Variants in EEIG2 observed in about 807,000 individuals in gnomAD.
EEIG2 encodes family with sequence similarity 102 member B.
chr1:108,617,869 A>C, the EEIG2 span, among the ~76,000 whole-genome samples: 1 of 152,202 alleles, frequency 6.6e-6, no homozygotes, highest in South Asian at 2.1e-4. Flanking sequence ...TCAGAAAATG[A>C]GGACTGAGGA....
the EEIG2 span, chr1:108,560,212 C>A: frequency 2.0e-5 from 3 of 152,720 alleles, no homozygotes; most frequent in South Asian, 5.5e-4. Flanking sequence ...CGCGGGCGGT[C>A]GGGGTCCGCG....
chr1:108,560,628 C>A, the EEIG2 span: 1 of 1,567,394 alleles, frequency 6.4e-7, no homozygotes, highest in South Asian at 1.1e-5. Context: ...GGATGGGCAG[C>A]ATCTCTCCTT....
At chr1:108,574,529 T>A in the EEIG2 span, among the ~76,000 whole-genome samples, 2 of 152,170 alleles carry the variant, frequency 1.3e-5, no homozygotes, top group African/African-American at 2.4e-5. Flanking sequence ...GGCAGGCAGA[T>A]CGCCTGAGAT....
chr1:108,583,716 A>G, the EEIG2 span, among the ~76,000 whole-genome samples: 5 of 152,256 alleles, frequency 3.3e-5, no homozygotes, highest in Admixed American at 2.0e-4. Flanking sequence ...GAAAACAGAC[A>G]TAAACTGTTA....
the EEIG2 span, among the ~76,000 whole-genome samples, chr1:108,621,320 G>T: frequency 6.6e-6 from 1 of 152,184 alleles, no homozygotes; most frequent in African/African-American, 2.4e-5. Flanking sequence ...AGACTGAGTT[G>T]TCCAGGGAGG....
the EEIG2 span, among the ~76,000 whole-genome samples, chr1:108,634,190 T>C: frequency 1.3e-5 from 2 of 152,208 alleles, no homozygotes; most frequent in Non-Finnish European, 2.9e-5. Flanking sequence ...CAGTGTGCCA[T>C]GCTGCCCACC....
the EEIG2 span, among the ~76,000 whole-genome samples, chr1:108,615,770 A>T: frequency 6.7e-6 from 1 of 150,272 alleles, no homozygotes; most frequent in Admixed American, 6.7e-5. Context: ...ACAAAGCAAG[A>T]CCTTATCTCA....
the EEIG2 span, among the ~76,000 whole-genome samples, chr1:108,614,978 G>A: frequency 6.6e-6 from 1 of 152,206 alleles, no homozygotes; most frequent in Non-Finnish European, 1.5e-5. Flanking sequence ...TGAAAGAAGA[G>A]ATGATGAGGA....
At chr1:108,564,123 C>G in the EEIG2 span, among the ~76,000 whole-genome samples, 1 of 152,182 alleles carries the variant, frequency 6.6e-6, no homozygotes, top group African/African-American at 2.4e-5. Flanking sequence ...TTTCTACTCT[C>G]TTTCTATAAA....
the EEIG2 span, among the ~76,000 whole-genome samples, chr1:108,579,796 A>AGAGAGAGAGAGAGAGAGAGAGAGAGAG: frequency 8.7e-5 from 13 of 149,004 alleles, no homozygotes; most frequent in South Asian, 2.2e-4. Context: ...AGAGAGAGAG[A>AGAGAGAGAGAGAGAGAGAGAGAGAGAG]AAGAAACCCA....
chr1:108,614,116 A>G, the EEIG2 span, among the ~76,000 whole-genome samples: 1 of 146,720 alleles, frequency 6.8e-6, no homozygotes, highest in Non-Finnish European at 1.5e-5. Context: ...ACTTGCTTCT[A>G]CTTCCCTGTC....
At chr1:108,563,905 T>C in the EEIG2 span, among the ~76,000 whole-genome samples, 1 of 152,226 alleles carries the variant, frequency 6.6e-6, no homozygotes, top group South Asian at 2.1e-4. Flanking sequence ...AATTTACAAC[T>C]GTAATGGTTA....
chr1:108,633,554 G>T, the EEIG2 span, among the ~76,000 whole-genome samples: 5 of 152,184 alleles, frequency 3.3e-5, no homozygotes, highest in Non-Finnish European at 5.9e-5. Context: ...GCACCTGCCT[G>T]CTTTCCTTTA....
chr1:108,589,783 C>CTTTTTTTTTTT, the EEIG2 span, among the ~76,000 whole-genome samples: 11 of 85,138 alleles, frequency 1.3e-4, no homozygotes, highest in African/African-American at 1.6e-4. Flanking sequence ...GTCTTTTGTC[C>CTTTTTTTTTTT]TTTTTTTTTT....
At chr1:108,587,302 G>A in the EEIG2 span, among the ~76,000 whole-genome samples, 1 of 152,096 alleles carries the variant, frequency 6.6e-6, no homozygotes, top group South Asian at 2.1e-4. Context: ...TGAGTGGAAG[G>A]TACAGAAATG....
chr1:108,560,587 C>T, the EEIG2 span: 1 of 1,604,630 alleles, frequency 6.2e-7, no homozygotes, highest in South Asian at 1.1e-5. Context: ...CCCGCGCCGC[C>T]TCGCCCCTTT....
the EEIG2 span, chr1:108,637,918 T>C: frequency 6.6e-6 from 1 of 152,618 alleles, no homozygotes; most frequent in African/African-American, 2.4e-5. Flanking sequence ...CCCTTTGTGG[T>C]GTTTTTGAAG....
At chr1:108,605,936 A>G in the EEIG2 span, among the ~76,000 whole-genome samples, 1 of 152,160 alleles carries the variant, frequency 6.6e-6, no homozygotes, top group African/African-American at 2.4e-5. Flanking sequence ...AGGTTTTTGC[A>G]GTGAGTCCAC....
At chr1:108,579,730 G>GT in the EEIG2 span, among the ~76,000 whole-genome samples, 30 of 125,528 alleles carry the variant, frequency 2.4e-4, no homozygotes, top group Middle Eastern at 4.1e-3. Context: ...GTTTTTCCTT[G>GT]TTTTTTTGGT....
Sources: allele counts gnomAD v4.1 joint callset (sites outside exome capture counted in the v4.1 genomes callset), GRCh38; gene constraint gnomAD v4.1.1; transcripts MANE v1.5; gene names NCBI Gene and HGNC (gene_info 2026-07-23, HGNC 2026-07-21).